Variants in THRB observed in about 807,000 individuals in gnomAD.
THRB encodes nuclear receptor subfamily 1 group A member 2.
A neutral mutation model predicts 47.8 loss-of-function variants in THRB; 12 were observed. The observed-to-expected ratio is 0.25, with a 90% CI of 0.16 to 0.41. The LOEUF is 0.41. Ranked by LOEUF, THRB falls within the 10% of genes least tolerant of loss-of-function variation. THRB has a pLI of 1.00. For missense variants in THRB, 348 were observed against 589.2 expected (o/e 0.59, Z 4.24); for synonymous variants, 218 against 212.2 (o/e 1.03, Z -0.24).
At chr3:24,234,860 G>A (rs1037393538) in intron 3 of THRB, among the ~76,000 whole-genome samples, 4 of 152,144 alleles carry the variant, frequency 2.6e-5, no homozygotes, top group Non-Finnish European at 4.4e-5. Flanking sequence ...CTGCAGGAGC[G>A]GGGCAGGAAG....
At chr3:24,432,124 G>A (rs1320030663) in intron 1 of THRB, among the ~76,000 whole-genome samples, 1 of 151,756 alleles carries the variant, frequency 6.6e-6, no homozygotes, top group Non-Finnish European at 1.5e-5. Context: ...GCTTCATGGG[G>A]GATTTATTCC....
chr3:24,241,245 CAAG>C (rs1201058011), intron 3 of THRB, among the ~76,000 whole-genome samples: 3 of 148,652 alleles, frequency 2.0e-5, no homozygotes, highest in Non-Finnish European at 4.6e-5. Context: ...TCTCAGTTCT[CAAG>C]GAGGGGTTTT....
intron 2 of THRB, among the ~76,000 whole-genome samples, chr3:24,305,327 C>A (rs758498349): frequency 6.6e-6 from 1 of 152,154 alleles, no homozygotes; most frequent in Non-Finnish European, 1.5e-5. Flanking sequence ...AGTGTGAAAA[C>A]CATTGCTGTA....
At chr3:24,365,784 A>G in intron 1 of THRB, among the ~76,000 whole-genome samples, 1 of 152,162 alleles carries the variant, frequency 6.6e-6, no homozygotes, top group Non-Finnish European at 1.5e-5. Flanking sequence ...CTTATGCCTT[A>G]TATTTCCTTC....
intron 5 of THRB, among the ~76,000 whole-genome samples, chr3:24,186,187 A>G (rs1175710444): frequency 1.3e-5 from 2 of 152,182 alleles, no homozygotes; most frequent in Non-Finnish European, 1.5e-5. Flanking sequence ...GCTGGCAAGA[A>G]CATAGAAGGC....
intron 1 of THRB, among the ~76,000 whole-genome samples, chr3:24,484,601 T>C (rs1215170776): frequency 6.6e-6 from 1 of 152,194 alleles, no homozygotes; most frequent in African/African-American, 2.4e-5. Flanking sequence ...TCTATTTCTA[T>C]TAGACAGTGT....
intron 4 of THRB, among the ~76,000 whole-genome samples, chr3:24,199,482 T>G (rs564989050): frequency 7.9e-5 from 12 of 152,300 alleles, no homozygotes; most frequent in African/African-American, 2.6e-4. Flanking sequence ...ATTTCATTGG[T>G]GGGGATTATC....
intron 4 of THRB, among the ~76,000 whole-genome samples, chr3:24,201,367 C>T (rs1190490016): frequency 6.6e-6 from 1 of 152,062 alleles, no homozygotes; most frequent in East Asian, 1.9e-4. Context: ...TTGTGAATAT[C>T]TACGGCCCTG....
At chr3:24,319,822 T>C (rs2058363762) in intron 2 of THRB, among the ~76,000 whole-genome samples, 1 of 152,226 alleles carries the variant, frequency 6.6e-6, no homozygotes. Context: ...TATACACCCT[T>C]GCTTGTTCAG....
At chr3:24,441,715 C>T (rs886478897) in intron 1 of THRB, among the ~76,000 whole-genome samples, 2 of 152,110 alleles carry the variant, frequency 1.3e-5, no homozygotes, top group East Asian at 3.9e-4. Flanking sequence ...TACACCTTGC[C>T]CTGTTGCCCT....
At chr3:24,298,943 T>C (rs1243958254) in intron 2 of THRB, among the ~76,000 whole-genome samples, 1 of 152,236 alleles carries the variant, frequency 6.6e-6, no homozygotes, top group Non-Finnish European at 1.5e-5. Flanking sequence ...AATATTTTTT[T>C]TTCTGCTTAG....
chr3:24,453,434 C>G lies in THRB; in HGVS notation c.-261+41218G>C, dbSNP rs186077737. The stretch of plus-strand genomic sequence containing the variant: ...AGAACACACACTTTTAGCCATGACA[C>G]TCTATCCAAGATAATCCCCAATCCA... On this transcript the variant is annotated intron_variant, in intron 1 of 10. Coordinates refer to ENST00000646209, the MANE Select transcript of THRB (RefSeq NM_001354712.2). 2.1e-3 allele frequency among the ~76,000 whole-genome samples: 318 copies of G among 152,272 alleles called. 1 individual carries two copies. The highest frequency in any genetic ancestry group is 6.3e-4 in the Non-Finnish European group (43 of 68,028).
At chr3:24,334,480 T>C (rs74651228) in intron 2 of THRB, among the ~76,000 whole-genome samples, 5,137 of 152,262 alleles carry the variant, frequency 0.034, 290 homozygotes, top group African/African-American at 0.12. Flanking sequence ...ATCAGTGAAG[T>C]AGAGATTACT....
At chr3:24,194,612 GCATTCGATGACCAT>G (rs1384359327) in intron 4 of THRB, among the ~76,000 whole-genome samples, 1 of 152,170 alleles carries the variant, frequency 6.6e-6, no homozygotes, top group Admixed American at 6.5e-5. Context: ...GATTAGGTTT[GCATTCGATGACCAT>G]CATTCTGATG....
chr3:24,220,459 C>T (rs556760826), intron 4 of THRB, among the ~76,000 whole-genome samples: 102 of 152,286 alleles, frequency 6.7e-4, no homozygotes, highest in Non-Finnish European at 1.1e-3. Context: ...CCACCGCACT[C>T]CAGCCTGGGC....
At chr3:24,494,950 C>T (rs1264444788), upstream of THRB, 1 of 152,474 alleles carries the variant, frequency 6.6e-6, no homozygotes, top group African/African-American at 2.4e-5. Context: ...CGCGCGAGTC[C>T]TGCAAAATGT....
chr3:24,204,253 C>A lies in THRB; in HGVS notation c.23-13919G>T, dbSNP rs552922299. Among the ~76,000 whole-genome samples the A allele has an allele frequency of 4.1e-4, 63 of 152,372 alleles. 1 individual carries two copies. The highest frequency in any genetic ancestry group is 3.7e-3 in the Admixed American group (56 of 15,310). ...AGTAGCCTTACTGCGAGGCACCCCCCAGTAGGGGCAGACTGACACCTCACA... is the reference window on the plus strand; with the variant it reads ...AGTAGCCTTACTGCGAGGCACCCCCAAGTAGGGGCAGACTGACACCTCACA... On this transcript the variant is annotated intron_variant, in intron 4 of 10. Coordinates refer to ENST00000646209, the MANE Select transcript of THRB (RefSeq NM_001354712.2).
At chr3:24,237,090 C>A (rs1256165999) in intron 3 of THRB, among the ~76,000 whole-genome samples, 1 of 152,124 alleles carries the variant, frequency 6.6e-6, no homozygotes, top group African/African-American at 2.4e-5. Context: ...TAAAGAGGAA[C>A]ATAAAACTCT....
chr3:24,284,197 T>C (rs1268433425), intron 3 of THRB, among the ~76,000 whole-genome samples: 1 of 150,396 alleles, frequency 6.6e-6, no homozygotes, highest in Non-Finnish European at 1.5e-5. Flanking sequence ...AAGGCTACAG[T>C]AACCAAAACA....
Sources: allele counts gnomAD v4.1 joint callset (sites outside exome capture counted in the v4.1 genomes callset), GRCh38; gene constraint gnomAD v4.1.1; transcripts MANE v1.5; gene names NCBI Gene and HGNC (gene_info 2026-07-23, HGNC 2026-07-21).